DCC: variants seen among roughly 807,000 people sequenced by gnomAD.
The protein encoded by DCC is netrin receptor DCC.
In DCC, 58 loss-of-function variants were observed where a neutral mutation model predicts 172.5. That is an observed-to-expected ratio of 0.34 (90% CI 0.27 to 0.42). The LOEUF is 0.42. Ranked by LOEUF, DCC falls within the 10% of genes least tolerant of loss-of-function variation. The pLI is 1.00. For synonymous variants in DCC, 709 were observed against 644.5 expected (o/e 1.10, Z -1.52); for missense variants, 1,740 against 1,791.0 (o/e 0.97, Z 0.51).
At chr18:52,370,604 G>A (rs913623603) in intron 1 of DCC, among the ~76,000 whole-genome samples, 6 of 152,058 alleles carry the variant, frequency 3.9e-5, no homozygotes, top group Non-Finnish European at 5.9e-5. Context: ...AATAGCTAAC[G>A]GATGCTGGGC....
intron 12 of DCC, among the ~76,000 whole-genome samples, chr18:53,218,932 A>G (rs566127463): frequency 6.6e-6 from 1 of 152,258 alleles, no homozygotes; most frequent in African/African-American, 2.4e-5. Flanking sequence ...TTGGGGCACA[A>G]ATATTAATAC....
chr18:52,807,753 T>C (rs2038115451), intron 2 of DCC, among the ~76,000 whole-genome samples: 1 of 152,250 alleles, frequency 6.6e-6, no homozygotes, highest in Admixed American at 6.5e-5. Context: ...CCAACTCTAC[T>C]GCAAACAGGT....
chr18:52,870,308 G>A (rs2039299287), intron 2 of DCC, among the ~76,000 whole-genome samples: 1 of 152,112 alleles, frequency 6.6e-6, no homozygotes, highest in African/African-American at 2.4e-5. Flanking sequence ...GGGGACATGG[G>A]GCACAGGGGA....
At chr18:52,931,188 T>C (rs969410035) in intron 5 of DCC, among the ~76,000 whole-genome samples, 1 of 152,104 alleles carries the variant, frequency 6.6e-6, no homozygotes, top group South Asian at 2.1e-4. Flanking sequence ...ATGTTTGAAA[T>C]AATCTTTGAC....
chr18:52,919,635 C>CTTTT (rs11309864), intron 3 of DCC, among the ~76,000 whole-genome samples: 5 of 148,474 alleles, frequency 3.4e-5, no homozygotes, highest in Non-Finnish European at 6.0e-5. Flanking sequence ...GTCGATGGTT[C>CTTTT]TTTTTTTTTT....
At chr18:52,724,440 T>C (rs2036522205) in intron 1 of DCC, among the ~76,000 whole-genome samples, 2 of 152,306 alleles carry the variant, frequency 1.3e-5, no homozygotes, top group South Asian at 2.1e-4. Flanking sequence ...TGAGTCATTG[T>C]GCCCAGCCTC....
intron 13 of DCC, among the ~76,000 whole-genome samples, chr18:53,310,868 C>G (rs1034864961): frequency 2.0e-5 from 3 of 152,100 alleles, no homozygotes; most frequent in African/African-American, 7.2e-5. Flanking sequence ...GGACACTTAG[C>G]ATTCAGGATA....
At chr18:52,944,806 G>A (rs1487737424) in intron 5 of DCC, among the ~76,000 whole-genome samples, 2 of 152,180 alleles carry the variant, frequency 1.3e-5, no homozygotes, top group South Asian at 2.1e-4. Flanking sequence ...CATTTAGTGT[G>A]TGGATCAACA....
chr18:52,481,485 C>T (rs1482922363), intron 1 of DCC, among the ~76,000 whole-genome samples: 1 of 152,126 alleles, frequency 6.6e-6, no homozygotes, highest in African/African-American at 2.4e-5. Context: ...GCCCTACTCG[C>T]AGATTTACTC....
intron 5 of DCC, among the ~76,000 whole-genome samples, chr18:52,999,879 G>A (rs1029947575): frequency 2.6e-5 from 4 of 152,132 alleles, no homozygotes; most frequent in African/African-American, 9.6e-5. Context: ...TATTAGTTAA[G>A]ATAAGGTAAT....
chr18:53,073,609 T>C (rs1315488309), intron 7 of DCC, among the ~76,000 whole-genome samples: 1 of 152,054 alleles, frequency 6.6e-6, no homozygotes, highest in South Asian at 2.1e-4. Context: ...TTAAAAAAAA[T>C]AGTTTCACTG....
At position 52,645,161 on chromosome 18, in the gene DCC, C is replaced by T. The variant is rs186687999; in HGVS notation, c.92-106893C>T. 7.2e-5 allele frequency among the ~76,000 whole-genome samples: 11 copies of T among 152,140 alleles called. No homozygotes were observed. In the East Asian group the frequency reaches 2.1e-3, roughly 29 times the overall value. The stretch of plus-strand genomic sequence containing the variant: ...GTATGTAGATGAGATCTGCCTTGAT[C>T]AGCTTTTGAGTAAGATTCAAGTGGG... On this transcript the variant is annotated intron_variant, in intron 1 of 28. Coordinates refer to ENST00000442544, the MANE Select transcript of DCC (RefSeq NM_005215.4).
At chr18:52,466,396 T>A (rs762585558) in intron 1 of DCC, among the ~76,000 whole-genome samples, 1 of 152,112 alleles carries the variant, frequency 6.6e-6, no homozygotes, top group South Asian at 2.1e-4. Context: ...TAATGTAGCA[T>A]GGGAAACTCG....
chr18:52,387,635 T>TTCCTTCC (rs1568145208), intron 1 of DCC, among the ~76,000 whole-genome samples: 1 of 72,928 alleles, frequency 1.4e-5, no homozygotes, highest in Non-Finnish European at 2.9e-5. Flanking sequence ...TCCTTCCTTC[T>TTCCTTCC]GTCCTTCCAG....
In DCC at chr18:52,340,216, C is replaced by T. The variant is rs182389434; in HGVS notation, c.-572C>T. 186 of 182,718 alleles carry T rather than the reference C, an allele frequency of 1.0e-3. 2 individuals carry two copies. Among genetic ancestry groups the T allele is most frequent in the African/African-American group, 4.2e-3 (178 of 42,602 alleles). The allele number at this position is 182,718 out of a possible 1,614,324, so 11.3% of individuals were successfully genotyped here. ...CAGCTCGCACACCGCTGGCGGACAC[C>T]CCAGTAACAAGTGAGAGCGCTCCAC... On this transcript the variant is annotated 5_prime_UTR_variant, in exon 1 of 29. Transcript: ENST00000442544.
intron 25 of DCC, among the ~76,000 whole-genome samples, chr18:53,484,094 C>T (rs945692352): frequency 6.6e-6 from 1 of 151,634 alleles, no homozygotes; most frequent in African/African-American, 2.4e-5. Flanking sequence ...TGAACTTCTC[C>T]CAAATTACAT....
intron 1 of DCC, among the ~76,000 whole-genome samples, chr18:52,687,799 G>C (rs1009026053): frequency 1.3e-5 from 2 of 152,018 alleles, no homozygotes; most frequent in African/African-American, 4.8e-5. Context: ...AGAGTGTATA[G>C]GTATTGTGGA....
chr18:52,768,542 C>T (rs560322676), intron 2 of DCC, among the ~76,000 whole-genome samples: 4 of 152,262 alleles, frequency 2.6e-5, no homozygotes, highest in East Asian at 1.9e-4. Context: ...TATTTTACCA[C>T]GACAAAAACC....
chr18:52,886,863 A>G (rs1598899479), intron 2 of DCC, among the ~76,000 whole-genome samples: 1 of 152,190 alleles, frequency 6.6e-6, no homozygotes, highest in Admixed American at 6.5e-5. Context: ...CTATTCAGCC[A>G]TCTTACTCTG....
Sources: allele counts gnomAD v4.1 joint callset (sites outside exome capture counted in the v4.1 genomes callset), GRCh38; gene constraint gnomAD v4.1.1; transcripts MANE v1.5; gene names NCBI Gene and HGNC (gene_info 2026-07-23, HGNC 2026-07-21).